DUSP3: variants seen among roughly 807,000 people sequenced by gnomAD.
DUSP3 encodes the protein dual specificity phosphatase 3, also known as dual specificity protein phosphatase 3.
Under a neutral mutation model 15.5 loss-of-function variants are expected in DUSP3, and 7 were observed. That is an observed-to-expected ratio of 0.45 (90% CI 0.26 to 0.85). DUSP3 has a LOEUF of 0.85. Ranked by LOEUF, DUSP3 falls within the 40% of genes least tolerant of loss-of-function variation. DUSP3 has a pLI of 0.18. For missense variants in DUSP3, 209 were observed against 251.7 expected, an observed-to-expected ratio of 0.83 and a Z score of 1.15; for synonymous variants, 86 against 104.2, an observed-to-expected ratio of 0.83 and a Z score of 1.07.
intron 2 of DUSP3, among the ~76,000 whole-genome samples, chr17:43,770,181 C>T (rs1974296909): frequency 6.6e-6 from 1 of 152,222 alleles, no homozygotes; most frequent in African/African-American, 2.4e-5. Context: ...AGAATGTTCA[C>T]AGGCAACACT....
intron 2 of DUSP3, among the ~76,000 whole-genome samples, chr17:43,773,149 C>T (rs1351654492): frequency 6.6e-6 from 1 of 152,218 alleles, no homozygotes; most frequent in Non-Finnish European, 1.5e-5. Flanking sequence ...CACAGTAAAG[C>T]TTCTCTCTGA....
In DUSP3 at chr17:43,774,757, C is replaced by T. The variant is rs1974366583; in HGVS notation, c.307G>A (p.Glu103Lys). ...TGGTCAATGAAGTCGGCAGCCCTTT[C>T]AAAGTAAGCGCTGAGGTTGAACTCC... is the stretch of plus-strand genomic sequence containing the variant. ...TQEFNLSAYF[E>K]RAADFIDQAL... is the part of the protein sequence containing the mutation. Residue 103 changes from glutamate to lysine, a missense_variant, in exon 2 of 3, where the codon GAA becomes AAA. By Grantham distance (56) the Glu-to-Lys change is moderately conservative. Transcript: ENST00000226004. 5 of 1,614,198 alleles carry T rather than the reference C, an allele frequency of 3.1e-6. No homozygotes were observed. Among genetic ancestry groups the T allele is most frequent in the Non-Finnish European group, 3.4e-6 (4 of 1,180,034 alleles).
chr17:43,777,722 G>C, intron 1 of DUSP3: 1 of 341,738 alleles, frequency 2.9e-6, no homozygotes, highest in South Asian at 2.3e-5. Flanking sequence ...TTCCAAGGCT[G>C]TACAGGCATG....
chr17:43,769,509 T>C lies in DUSP3; in HGVS notation c.*100A>G, dbSNP rs1974283823. On this transcript the variant is annotated 3_prime_UTR_variant, in exon 3 of 3. Coordinates refer to ENST00000226004, the MANE Select transcript of DUSP3 (RefSeq NM_004090.4). ...CTTGTAGACAAGTGCCTTGTGATGCTGGGAGCAGGGTACAGTGTGTTTCCT... is the reference window on the plus strand; with the variant it reads ...CTTGTAGACAAGTGCCTTGTGATGCCGGGAGCAGGGTACAGTGTGTTTCCT... The C allele has an allele frequency of 7.3e-7, 1 of 1,368,954 alleles. No individual in the cohort carries two copies. The highest frequency in any genetic ancestry group is 1.0e-6 in the Non-Finnish European group (1 of 989,550). The allele number at this position is 1,368,954 out of a possible 1,614,324, so 84.8% of individuals were successfully genotyped here.
chr17:43,778,472 C>A (rs995000104), intron 1 of DUSP3: 5 of 205,994 alleles, frequency 2.4e-5, no homozygotes, highest in Non-Finnish European at 3.9e-5. Context: ...CCGAGGGTCA[C>A]CTGTTAAGTG....
rs541339090 is a variant in DUSP3, at chr17:43,773,863, G to A, written c.352+849C>T. 27 of 158,654 alleles carry A rather than the reference G, an allele frequency of 1.7e-4. No homozygotes were observed. The South Asian group carries it at 4.3e-3, about 25-fold the overall frequency. 9.8% of individuals were successfully genotyped at this position (158,654 alleles called of 1,614,324 possible). ...GCCTGTAATCCCAGCACTTTGGGAG[G>A]CAGAGGGAGGCGGATCACCTGAGGT... On this transcript the variant is annotated intron_variant, in intron 2 of 2. Transcript: ENST00000226004.
chr17:43,770,139 G>C (rs1974296290), intron 2 of DUSP3, among the ~76,000 whole-genome samples: 1 of 152,110 alleles, frequency 6.6e-6, no homozygotes, highest in South Asian at 2.1e-4. Flanking sequence ...AGGTCCAATA[G>C]AGATACGCAT....
At position 43,768,414 on chromosome 17, in the gene DUSP3, T is replaced by C. The variant is rs1974267299; in HGVS notation, c.*1195A>G. The C allele has an allele frequency of 6.6e-6, 1 of 152,202 alleles. No homozygotes were observed. The highest frequency in any genetic ancestry group is 1.5e-5 in the Non-Finnish European group (1 of 68,028). 9.4% of individuals were successfully genotyped at this position (152,202 alleles called of 1,614,324 possible). ...TTTGAAAGGTTTATCGTGTTTGGGT[T>C]TTTTTGCTCTACCACCAATAAAGGA... On this transcript the variant is annotated 3_prime_UTR_variant, in exon 3 of 3. Transcript: ENST00000226004.
At chr17:43,773,516 G>A (rs933176193) in intron 2 of DUSP3, among the ~76,000 whole-genome samples, 14 of 152,268 alleles carry the variant, frequency 9.2e-5, no homozygotes, top group African/African-American at 3.1e-4. Flanking sequence ...GAAGTGTTTC[G>A]TAAGTGGCTG....
chr17:43,777,007 CTT>C (rs1974397559), intron 1 of DUSP3, among the ~76,000 whole-genome samples: 2 of 152,032 alleles, frequency 1.3e-5, no homozygotes, highest in South Asian at 2.1e-4. Context: ...GAGTTTCGCT[CTT>C]GTTGCCCAGT....
At chr17:43,771,002 G>A (rs1974311772) in intron 2 of DUSP3, among the ~76,000 whole-genome samples, 1 of 133,978 alleles carries the variant, frequency 7.5e-6, no homozygotes, top group African/African-American at 2.5e-5. Flanking sequence ...GTGTGTGTGT[G>A]TGTGTGTGTG....
intron 1 of DUSP3, among the ~76,000 whole-genome samples, chr17:43,776,979 CT>C (rs113659994): frequency 2.1e-4 from 31 of 148,214 alleles, no homozygotes; most frequent in South Asian, 2.1e-4. Context: ...TTCTCTAATA[CT>C]TTTTTTTTTT....
intron 1 of DUSP3, among the ~76,000 whole-genome samples, chr17:43,777,075 C>T (rs1461830478): frequency 1.3e-5 from 2 of 152,020 alleles, no homozygotes; most frequent in Admixed American, 6.6e-5. Flanking sequence ...CGTGTTCAAA[C>T]GATTCTCCTG....
chr17:43,774,822 G>A lies in DUSP3; in HGVS notation c.242C>T (p.Ser81Phe), dbSNP rs1329833541. Residue 81 changes from serine to phenylalanine, a missense_variant, in exon 2 of 3, where the codon TCC becomes TTC. Transcript: ENST00000226004. ...VNTNANFYKD[S>F]GITYLGIKAN... ...CTTGATGCCCAGGTATGTGATGCCG[G>A]AGTCCTTGTAGAAGTTGGCATTGGT... 6.2e-6 allele frequency: 10 copies of A among 1,614,178 alleles called. 1 individual carries two copies. In the South Asian group the frequency reaches 1.1e-4, roughly 18 times the overall value.
At chr17:43,770,131 G>A (rs776144192) in intron 2 of DUSP3, among the ~76,000 whole-genome samples, 1 of 152,108 alleles carries the variant, frequency 6.6e-6, no homozygotes, top group African/African-American at 2.4e-5. Context: ...CCAGGCCCAG[G>A]TCCAATAGAG....
At position 43,766,983 on chromosome 17, in the gene DUSP3, G is replaced by C. The variant is rs552789848; in HGVS notation, c.*2626C>G. 1 of 152,544 alleles carries C rather than the reference G, an allele frequency of 6.6e-6. No homozygotes were observed. The highest frequency in any genetic ancestry group is 1.9e-4 in the East Asian group (1 of 5,182). 9.4% of individuals were successfully genotyped at this position (152,544 alleles called of 1,614,324 possible). A position where few individuals can be genotyped will look rare whatever the true frequency, so the allele number is the denominator to read the frequency against. On this transcript the variant is annotated 3_prime_UTR_variant, in exon 3 of 3. Transcript: ENST00000226004. The stretch of plus-strand genomic sequence containing the variant: ...TCCCATCCGCAGCTGGGCATGTGTT[G>C]GCTCTTACACAAGAGACTTTAATTT...
chr17:43,778,530 C>T (rs1207177805), intron 1 of DUSP3, among the ~76,000 whole-genome samples: 1 of 152,132 alleles, frequency 6.6e-6, no homozygotes, highest in Non-Finnish European at 1.5e-5. Context: ...AAGCGGGTGG[C>T]GGCTGGGACC....
At chr17:43,776,216 T>C (rs1250521424) in intron 1 of DUSP3, among the ~76,000 whole-genome samples, 1 of 152,200 alleles carries the variant, frequency 6.6e-6, no homozygotes, top group East Asian at 1.9e-4. Flanking sequence ...CAAATAGCAG[T>C]TTATACTTTA....
At position 43,774,776 on chromosome 17, in the gene DUSP3, G is replaced by A. The variant is rs778185056; in HGVS notation, c.288C>T (p.Phe96=). Residue 96 remains phenylalanine, a synonymous_variant, in exon 2 of 3, where the codon TTC becomes TTT. Transcript: ENST00000226004. ...LGIKANDTQE[F]NLSAYFERAA... is the part of the protein sequence containing the mutation. ...CCCTTTCAAAGTAAGCGCTGAGGTT[G>A]AACTCCTGTGTGTCGTTGGCCTTGA... The A allele has an allele frequency of 6.2e-7, 1 of 1,614,076 alleles. No individual in the cohort carries two copies. The highest frequency in any genetic ancestry group is 8.5e-7 in the Non-Finnish European group (1 of 1,180,032).
Sources: gnomAD v4.1 joint callset for allele counts (sites outside exome capture counted in the v4.1 genomes callset) on GRCh38, gnomAD v4.1.1 for gene constraint, MANE v1.5 for transcripts, NCBI Gene and HGNC (gene_info 2026-07-23, HGNC 2026-07-21) for gene names.